The following ZCCHC7 variants were observed in gnomAD, a reference collection of about 807,000 sequenced individuals.
ZCCHC7 encodes the protein zinc finger CCHC domain-containing protein 7.
In ZCCHC7, 35 loss-of-function variants were observed where a neutral mutation model predicts 52.0. The observed-to-expected ratio is 0.67, with a 90% confidence interval of 0.51 to 0.89. The LOEUF (loss-of-function observed/expected upper bound fraction) is 0.89. Among genes scored for constraint, ZCCHC7 ranks in the 40% least tolerant of loss-of-function variants. The pLI is 0.00. For synonymous variants in ZCCHC7, 217 were observed against 221.5 expected, an observed-to-expected ratio of 0.98 and a Z score of 0.18; for missense variants, 574 against 649.1, an observed-to-expected ratio of 0.88 and a Z score of 1.26.
chr9:37,120,568 C>G, upstream of ZCCHC7: 1 of 399,422 alleles, frequency 2.5e-6, no homozygotes, highest in Admixed American at 4.4e-5. Context: ...TCGCCCCTCC[C>G]CGTCCCTCTA....
chr9:37,357,240 T>A lies in ZCCHC7; in HGVS notation c.1604T>A (p.Leu535His). The A allele has an allele frequency of 4.4e-6, 7 of 1,600,220 alleles. No homozygotes were observed. Among genetic ancestry groups the A allele is most frequent in the Non-Finnish European group, 6.0e-6 (7 of 1,176,282 alleles). Residue 535 changes from leucine to histidine, a missense_variant, in exon 9 of 9, where the codon CTT becomes CAT. Transcript: ENST00000336755. ...WEDDDNDNLF[L>H]IKQRKKKS ...GATGATGACAATGATAACTTATTTC[T>A]TATTAAGCAGAGAAAAAAAAAGTCT...
intron 2 of ZCCHC7, among the ~76,000 whole-genome samples, chr9:37,146,526 C>A (rs1843442060): frequency 6.6e-6 from 1 of 151,872 alleles, no homozygotes; most frequent in Admixed American, 6.6e-5. Context: ...ACTTATCCCA[C>A]CCTCGTTTTA....
intron 2 of ZCCHC7, chr9:37,284,279 G>A (rs1828108866): frequency 6.6e-6 from 1 of 152,102 alleles, no homozygotes; most frequent in African/African-American, 2.4e-5. Context: ...CAGTAACAGA[G>A]GCCAAGACTC....
chr9:37,184,638 G>C (rs1245528593), intron 2 of ZCCHC7, among the ~76,000 whole-genome samples: 1 of 152,086 alleles, frequency 6.6e-6, no homozygotes, highest in Non-Finnish European at 1.5e-5. Context: ...CTGTCTTTCA[G>C]CTGATAAAAT....
intron 2 of ZCCHC7, among the ~76,000 whole-genome samples, chr9:37,245,515 A>G (rs1006099235): frequency 3.9e-5 from 6 of 152,078 alleles, no homozygotes; most frequent in African/African-American, 9.7e-5. Context: ...AGAGTGGACA[A>G]TGTTAAGCAG....
intron 2 of ZCCHC7, among the ~76,000 whole-genome samples, chr9:37,285,617 T>G (rs1828171001): frequency 6.6e-6 from 1 of 152,198 alleles, no homozygotes; most frequent in African/African-American, 2.4e-5. Context: ...TTTATATTTA[T>G]CCTGCTAGTT....
At chr9:37,324,741 T>C (rs1830173656) in intron 5 of ZCCHC7, among the ~76,000 whole-genome samples, 1 of 152,176 alleles carries the variant, frequency 6.6e-6, no homozygotes, top group South Asian at 2.1e-4. Context: ...CCAGCAGGGC[T>C]GCGTTCAAGG....
chr9:37,214,010 G>T (rs1459851327), intron 2 of ZCCHC7, among the ~76,000 whole-genome samples: 1 of 151,964 alleles, frequency 6.6e-6, no homozygotes, highest in Non-Finnish European at 1.5e-5. Flanking sequence ...GTATGTGTGT[G>T]TGTGTGTGTG....
intron 2 of ZCCHC7, among the ~76,000 whole-genome samples, chr9:37,276,036 A>G (rs914339332): frequency 3.9e-5 from 6 of 152,226 alleles, no homozygotes; most frequent in Non-Finnish European, 1.5e-5. Flanking sequence ...ATCCTTGCGA[A>G]CACATGATAT....
At chr9:37,238,127 T>C (rs758476680) in intron 2 of ZCCHC7, among the ~76,000 whole-genome samples, 9 of 152,200 alleles carry the variant, frequency 5.9e-5, no homozygotes, top group Admixed American at 1.3e-4. Context: ...ATCTTTTGTG[T>C]TGAGTTTAGC....
chr9:37,205,543 G>C (rs1326541603), intron 2 of ZCCHC7, among the ~76,000 whole-genome samples: 1 of 152,198 alleles, frequency 6.6e-6, no homozygotes, highest in African/African-American at 2.4e-5. Context: ...TTGAGACGGA[G>C]TCTCGCTCAG....
At chr9:37,238,393 A>G (rs914189105) in intron 2 of ZCCHC7, among the ~76,000 whole-genome samples, 4 of 152,058 alleles carry the variant, frequency 2.6e-5, no homozygotes, top group African/African-American at 9.7e-5. Flanking sequence ...ATGATATGTA[A>G]TAGTTTGTAC....
At chr9:37,301,991 CTG>C (rs760497431) in intron 2 of ZCCHC7, among the ~76,000 whole-genome samples, 195 bp from the exon 3 acceptor site, 3 of 152,238 alleles carry the variant, frequency 2.0e-5, no homozygotes, top group South Asian at 2.1e-4. Flanking sequence ...GGTCAGAAAA[CTG>C]AGACTCAGAG....
In ZCCHC7 at chr9:37,357,480, A is replaced by T. The variant is rs1364501025; in HGVS notation, c.*212A>T. On this transcript the variant is annotated 3_prime_UTR_variant, in exon 9 of 9. Transcript: ENST00000336755. ...ATTAGGTAAGAAAGTACAAAGATAAACCTGGACTTCTCCTATTCCAATATG... is the reference window on the plus strand; with the variant it reads ...ATTAGGTAAGAAAGTACAAAGATAATCCTGGACTTCTCCTATTCCAATATG... 5 of 369,216 alleles carry T rather than the reference A, an allele frequency of 1.4e-5. 2 individuals carry two copies. In the Middle Eastern group the frequency reaches 2.9e-3, roughly 214 times the overall value. 22.9% of individuals were successfully genotyped at this position (369,216 alleles called of 1,614,324 possible). A position where few individuals can be genotyped will look rare whatever the true frequency, so the allele number is the denominator to read the frequency against.
At chr9:37,312,732 A>G (rs1829652646) in intron 5 of ZCCHC7, among the ~76,000 whole-genome samples, 2 of 152,248 alleles carry the variant, frequency 1.3e-5, no homozygotes, top group South Asian at 4.1e-4. Flanking sequence ...AGACCAGCCT[A>G]TGCAATATAG....
chr9:37,293,063 G>A (rs1828613213), intron 2 of ZCCHC7, among the ~76,000 whole-genome samples: 1 of 152,136 alleles, frequency 6.6e-6, no homozygotes, highest in African/African-American at 2.4e-5. Context: ...TAACAATAGG[G>A]GAGAAGGTAT....
intron 7 of ZCCHC7, among the ~76,000 whole-genome samples, chr9:37,353,403 A>G (rs934077610): frequency 6.6e-6 from 1 of 152,218 alleles, no homozygotes; most frequent in African/African-American, 2.4e-5. Context: ...CAAAAAACAA[A>G]TAAAAATTAT....
intron 2 of ZCCHC7, among the ~76,000 whole-genome samples, chr9:37,218,100 T>C (rs1253684853): frequency 1.3e-5 from 2 of 152,220 alleles, no homozygotes; most frequent in Non-Finnish European, 2.9e-5. Flanking sequence ...TTTAGGGCCA[T>C]TAAATTCCTA....
At chr9:37,163,216 A>G (rs1291831260) in intron 2 of ZCCHC7, among the ~76,000 whole-genome samples, 3 of 151,222 alleles carry the variant, frequency 2.0e-5, no homozygotes, top group African/African-American at 7.3e-5. Context: ...AAACAAACAA[A>G]CAAACAAAAA....
Sources: allele counts gnomAD v4.1 joint callset (sites outside exome capture counted in the v4.1 genomes callset), GRCh38; gene constraint gnomAD v4.1.1; transcripts MANE v1.5; gene names NCBI Gene and HGNC (gene_info 2026-07-23, HGNC 2026-07-21).